Variants in NALF1 observed in about 807,000 individuals in gnomAD.
NALF1 encodes the protein NALCN channel auxiliary factor 1, also known as family with sequence similarity 155 member A.
Under a neutral mutation model 48.4 loss-of-function variants are expected in NALF1, and 3 were observed. The ratio of observed to expected loss-of-function variants is 0.06; its 90% CI spans 0.03 to 0.16. The LOEUF (loss-of-function observed/expected upper bound fraction) is 0.16. NALF1 is among the 10% of genes least tolerant of loss of function. The pLI, the probability that NALF1 is intolerant of heterozygous loss-of-function variation, is 1.00. For synonymous variants in NALF1, 262 were observed against 245.7 expected, an observed-to-expected ratio of 1.07 and a Z score of -0.62; for missense variants, 526 against 571.5, an observed-to-expected ratio of 0.92 and a Z score of 0.81.
chr13:107,185,358 A>G (rs2138778957), intron 2 of NALF1, among the ~76,000 whole-genome samples: 1 of 152,184 alleles, frequency 6.6e-6, no homozygotes, highest in South Asian at 2.1e-4. Context: ...ATTTGCCTCC[A>G]GAACAGTGCG....
chr13:107,584,449 T>C (rs1878397618), intron 1 of NALF1, among the ~76,000 whole-genome samples: 1 of 152,186 alleles, frequency 6.6e-6, no homozygotes, highest in Non-Finnish European at 1.5e-5. Flanking sequence ...TCTGTATTCA[T>C]TCATCAATTT....
At chr13:107,696,029 T>C (rs1273223632) in intron 1 of NALF1, among the ~76,000 whole-genome samples, 7 of 152,126 alleles carry the variant, frequency 4.6e-5, no homozygotes, top group Non-Finnish European at 1.0e-4. Flanking sequence ...CCTGAATAGC[T>C]GGGATTACAG....
chr13:107,476,119 A>C (rs192857186), intron 1 of NALF1, among the ~76,000 whole-genome samples: 1 of 152,260 alleles, frequency 6.6e-6, no homozygotes, highest in Admixed American at 6.5e-5. Flanking sequence ...TGAAAGGTAT[A>C]ATATTTTAGA....
intron 1 of NALF1, among the ~76,000 whole-genome samples, chr13:107,478,172 A>G (rs1885202170): frequency 6.6e-6 from 1 of 152,022 alleles, no homozygotes; most frequent in African/African-American, 2.4e-5. Flanking sequence ...TTCTGGTGCA[A>G]TTTTTGCTTC....
intron 1 of NALF1, among the ~76,000 whole-genome samples, chr13:107,371,548 A>G (rs1883249131): frequency 6.6e-6 from 1 of 152,200 alleles, no homozygotes; most frequent in Admixed American, 6.5e-5. Flanking sequence ...ATTAGACTAA[A>G]CTTTTTCTTA....
At chr13:107,273,530 A>G (rs933684459) in intron 1 of NALF1, among the ~76,000 whole-genome samples, 12 of 152,210 alleles carry the variant, frequency 7.9e-5, no homozygotes, top group Non-Finnish European at 1.6e-4. Flanking sequence ...CCTTTTTAAC[A>G]ATGGCCCAGG....
chr13:107,755,553 T>C (rs181423516), intron 1 of NALF1, among the ~76,000 whole-genome samples: 19 of 151,170 alleles, frequency 1.3e-4, no homozygotes, highest in African/African-American at 4.6e-4. Context: ...GTTTAATTTA[T>C]TTTACATACT....
intron 1 of NALF1, among the ~76,000 whole-genome samples, chr13:107,630,375 TC>T (rs1168799348): frequency 6.6e-6 from 1 of 152,030 alleles, no homozygotes; most frequent in Non-Finnish European, 1.5e-5. Context: ...CTATTTTTTC[TC>T]CCTGAAATGC....
At chr13:107,265,119 G>T (rs1406119739) in intron 1 of NALF1, among the ~76,000 whole-genome samples, 1 of 152,150 alleles carries the variant, frequency 6.6e-6, no homozygotes, top group Non-Finnish European at 1.5e-5. Context: ...AAAGTGTTTT[G>T]ATTCTGGCTA....
intron 1 of NALF1, among the ~76,000 whole-genome samples, chr13:107,729,787 C>T (rs112157034): frequency 0.038 from 5,733 of 152,150 alleles, 109 homozygotes; most frequent in Non-Finnish European, 0.045. Flanking sequence ...CCCTTTGATG[C>T]ATTTTTAATT....
intron 1 of NALF1, among the ~76,000 whole-genome samples, chr13:107,346,587 T>C (rs927751217): frequency 6.6e-6 from 1 of 152,106 alleles, no homozygotes; most frequent in African/African-American, 2.4e-5. Context: ...TCATAGAAAG[T>C]AGAGTGATGA....
chr13:107,527,112 T>C (rs1036437706), intron 1 of NALF1, among the ~76,000 whole-genome samples: 3 of 152,164 alleles, frequency 2.0e-5, no homozygotes, highest in Non-Finnish European at 2.9e-5. Flanking sequence ...CAGTTTTTTC[T>C]ATTGCCTTAA....
intron 1 of NALF1, among the ~76,000 whole-genome samples, chr13:107,707,126 T>G (rs1026270423): frequency 2.6e-5 from 4 of 151,254 alleles, no homozygotes; most frequent in Non-Finnish European, 4.4e-5. Flanking sequence ...GTTTCACCGT[T>G]TTAGCCGGGA....
chr13:107,595,977 C>CA (rs111974629), intron 1 of NALF1, among the ~76,000 whole-genome samples: 6,280 of 151,534 alleles, frequency 0.041, 209 homozygotes, highest in African/African-American at 0.1. Context: ...CATACCAAAA[C>CA]AAAAAAAGAG....
intron 1 of NALF1, among the ~76,000 whole-genome samples, chr13:107,853,600 T>G (rs887234029): frequency 1.1e-4 from 17 of 152,288 alleles, no homozygotes; most frequent in African/African-American, 4.1e-4. Context: ...ATGAAAAAAT[T>G]TGAGTTCTTA....
chr13:107,473,808 C>A (rs1408465370), intron 1 of NALF1, among the ~76,000 whole-genome samples: 3 of 152,208 alleles, frequency 2.0e-5, no homozygotes, highest in Admixed American at 2.0e-4. Context: ...TATTCTCCCA[C>A]ATTCAAGGGG....
At chr13:107,608,343 A>G (rs1879129091) in intron 1 of NALF1, among the ~76,000 whole-genome samples, 1 of 152,254 alleles carries the variant, frequency 6.6e-6, no homozygotes, top group Admixed American at 6.5e-5. Flanking sequence ...ATGATCAAAT[A>G]CATGAATGAA....
intron 1 of NALF1, among the ~76,000 whole-genome samples, chr13:107,722,890 T>C (rs543266451): frequency 6.6e-6 from 1 of 152,300 alleles, no homozygotes; most frequent in Admixed American, 6.5e-5. Context: ...GCGTAAGGCA[T>C]TGCTGTACAT....
chr13:107,376,228 C>T (rs548309046), intron 1 of NALF1, among the ~76,000 whole-genome samples: 108 of 152,258 alleles, frequency 7.1e-4, no homozygotes, highest in African/African-American at 2.4e-3. Context: ...GACTGCAGTC[C>T]AACATCTTGC....
Sources: gnomAD v4.1 joint callset for allele counts (sites outside exome capture counted in the v4.1 genomes callset) on GRCh38, gnomAD v4.1.1 for gene constraint, MANE v1.5 for transcripts, NCBI Gene and HGNC (gene_info 2026-07-23, HGNC 2026-07-21) for gene names.